Variants in CSDE1 observed in about 807,000 individuals in gnomAD.
CSDE1 encodes cold shock domain containing E1.
CSDE1 carries 17 observed loss-of-function variants against 89.3 expected under a neutral mutation model. That is an observed-to-expected ratio of 0.19 (90% CI 0.13 to 0.29). The LOEUF (loss-of-function observed/expected upper bound fraction) is 0.29, where lower values mean the gene tolerates loss of function less well. Ranked by LOEUF, CSDE1 falls within the 10% of genes least tolerant of loss-of-function variation. CSDE1 has a pLI of 1.00. For synonymous variants in CSDE1, 322 were observed against 332.8 expected, an observed-to-expected ratio of 0.97 and a Z score of 0.35; for missense variants, 672 against 984.2, an observed-to-expected ratio of 0.68 and a Z score of 4.24.
At chr1:114,741,577 T>G in intron 2 of CSDE1, 5 of 1,550,748 alleles carry the variant, frequency 3.2e-6, no homozygotes, top group Non-Finnish European at 4.4e-6. Flanking sequence ...CCAGATGAGG[T>G]AGAAGATGAA....
chr1:114,718,198 T>A lies in CSDE1; in HGVS notation c.2368A>T (p.Lys790Ter). ...DNSMGFGAER[K>*]IRQAGVID Reference sequence around the variant, plus strand: ...TCAATGACACCAGCTTGACGGATCTTTCTTTCTGCACCAAACCCCTGTGGG... The same window carrying A: ...TCAATGACACCAGCTTGACGGATCTATCTTTCTGCACCAAACCCCTGTGGG... The change falls in exon 20 of 20, where the codon AAG (lysine) becomes TAG (stop). Residue 790 changes from lysine (K) to a stop codon, truncating the protein, a stop_gained. Coordinates refer to ENST00000358528, the MANE Select transcript of CSDE1 (RefSeq NM_001007553.3). LOFTEE classifies it high-confidence loss of function. The A allele has an allele frequency of 1.2e-6, 2 of 1,614,194 alleles. No homozygotes were observed. Among genetic ancestry groups the A allele is most frequent in the Non-Finnish European group, 1.7e-6 (2 of 1,180,028 alleles).
chr1:114,744,267 C>T (rs1312011704), intron 2 of CSDE1, among the ~76,000 whole-genome samples: 3 of 151,968 alleles, frequency 2.0e-5, no homozygotes, highest in Non-Finnish European at 4.4e-5. Flanking sequence ...TCAAATGAAC[C>T]GAGTTTAATG....
intron 18 of CSDE1, 173 bp from the exon 19 acceptor site, chr1:114,718,918 T>C (rs1190555621): frequency 1.0e-5 from 7 of 668,488 alleles, no homozygotes; most frequent in Admixed American, 3.1e-5. Flanking sequence ...TTATGTATTA[T>C]TATCCCCAAC....
At chr1:114,745,192 T>C (rs2101071613) in intron 2 of CSDE1, among the ~76,000 whole-genome samples, 1 of 152,332 alleles carries the variant, frequency 6.6e-6, no homozygotes, top group Non-Finnish European at 1.5e-5. Context: ...TGTATCAAAA[T>C]GTGGAGATAT....
intron 5 of CSDE1, 110 bp downstream of exon 5, chr1:114,737,361 A>T: frequency 1.1e-6 from 1 of 927,218 alleles, no homozygotes; most frequent in Non-Finnish European, 1.6e-6. Context: ...AACCAAATTT[A>T]AAACTGATTT....
intron 7 of CSDE1, 115 bp from the exon 8 acceptor site, chr1:114,734,232 G>A (rs1476674931): frequency 1.6e-6 from 2 of 1,283,326 alleles, no homozygotes; most frequent in Non-Finnish European, 2.1e-6. Context: ...ATATAATTTG[G>A]TACAACCTAA....
intron 2 of CSDE1, 61 bp from the exon 3 acceptor site, chr1:114,739,951 T>G: frequency 7.3e-7 from 1 of 1,377,282 alleles, no homozygotes; most frequent in Non-Finnish European, 1.0e-6. Flanking sequence ...GCATATTAAG[T>G]CTGGTTAATA....
intron 12 of CSDE1, 58 bp from the exon 13 acceptor site, chr1:114,727,148 AAAC>A (rs1208626916): frequency 1.7e-6 from 2 of 1,185,078 alleles, no homozygotes; most frequent in Non-Finnish European, 2.5e-6. Flanking sequence ...AAACCAATAA[AAAC>A]AACTATAGTT....
chr1:114,753,681 G>A (rs988949654), intron 1 of CSDE1, among the ~76,000 whole-genome samples: 9 of 152,152 alleles, frequency 5.9e-5, no homozygotes, highest in African/African-American at 2.2e-4. Flanking sequence ...ACTGTGGCAG[G>A]CCAAGGTGGG....
chr1:114,736,185 T>A lies in CSDE1; in HGVS notation c.500+573A>T, dbSNP rs142670653. ...AATATGACTTGACTCCTCCACCCCA[T>A]CCTCTTAGTCTATCCATATCAGGCG... On this transcript the variant is annotated intron_variant, in intron 6 of 19. Transcript: ENST00000358528. Among the ~76,000 whole-genome samples the A allele has an allele frequency of 5.2e-3, 788 of 152,150 alleles. 10 individuals are homozygous for A. Among genetic ancestry groups the A allele is most frequent in the African/African-American group, 0.018 (732 of 41,498 alleles).
intron 3 of CSDE1, among the ~76,000 whole-genome samples, chr1:114,738,802 C>T (rs1482252790): frequency 6.7e-6 from 1 of 149,816 alleles, no homozygotes; most frequent in Non-Finnish European, 1.5e-5. Flanking sequence ...TACTTAGTAG[C>T]TGGGACTACA....
At chr1:114,733,653 A>G (rs1660233226) in intron 9 of CSDE1, 79 bp downstream of exon 9, 2 of 1,311,728 alleles carry the variant, frequency 1.5e-6, no homozygotes, top group Admixed American at 2.2e-5. Flanking sequence ...ACTGAATAAG[A>G]TAAAATCTCA....
intron 2 of CSDE1, among the ~76,000 whole-genome samples, chr1:114,744,128 A>T (rs1349681907): frequency 6.6e-6 from 1 of 152,250 alleles, no homozygotes; most frequent in East Asian, 1.9e-4. Context: ...GTTTATAAAA[A>T]ATTAAAGATG....
At chr1:114,738,220 TG>T (rs1411018932) in intron 3 of CSDE1, 148 bp from the exon 4 acceptor site, 7 of 636,340 alleles carry the variant, frequency 1.1e-5, no homozygotes, top group African/African-American at 1.1e-4. Context: ...TAACATCACC[TG>T]GGAGCTTAAA....
In CSDE1 at chr1:114,734,807, C is replaced by T. The variant is rs561815973; in HGVS notation, c.501-284G>A. Among the ~76,000 whole-genome samples, 199 of 152,184 alleles carry T rather than the reference C, an allele frequency of 1.3e-3. 4 individuals carry two copies. The highest frequency in any genetic ancestry group is 3.5e-4 in the Non-Finnish European group (24 of 68,004). On this transcript the variant is annotated intron_variant, in intron 6 of 19. Coordinates refer to ENST00000358528, the MANE Select transcript of CSDE1 (RefSeq NM_001007553.3). ...TTTTTTACAAACTTACACATGGGTGCGTGATGTTCTACTCTGTTTTTCTAT... is the reference window on the plus strand; with the variant it reads ...TTTTTTACAAACTTACACATGGGTGTGTGATGTTCTACTCTGTTTTTCTAT...
chr1:114,732,574 G>A, intron 10 of CSDE1, 30 bp downstream of exon 10: 1 of 1,595,732 alleles, frequency 6.3e-7, no homozygotes, highest in Non-Finnish European at 8.6e-7. Flanking sequence ...TCGCATATTA[G>A]ATACATATCC....
chr1:114,734,599 T>C lies in CSDE1; in HGVS notation c.501-76A>G, dbSNP rs930041926. On this transcript the variant is annotated intron_variant, in intron 6 of 19. Transcript: ENST00000358528. ...GTATTGGCCTGCTTAGATATGAGTC[T>C]AAAGAAACTAGTTTCCTGGGGCTTT... 1.8e-5 allele frequency: 20 copies of C among 1,098,798 alleles called. No individual in the cohort carries two copies. In the South Asian group the frequency reaches 2.4e-4, roughly 13 times the overall value. 68.1% of individuals were successfully genotyped at this position (1,098,798 alleles called of 1,614,324 possible).
In CSDE1 at chr1:114,720,574, G is replaced by A. The variant is rs750525261; in HGVS notation, c.2017C>T (p.Leu673=). Reference sequence around the variant, plus strand: ...ACACATTCCACTGTGGCCCTGCGCAGGGGTGTGATGTTGTAAGCCATAGTT... The same window carrying A: ...ACACATTCCACTGTGGCCCTGCGCAAGGGTGTGATGTTGTAAGCCATAGTT... The part of the protein sequence containing the change: ...AQTMAYNITP[L]RRATVECVKD... Residue 673 remains leucine, a synonymous_variant, in exon 17 of 20, where the codon CTG becomes TTG. Transcript: ENST00000358528. 1 of 1,614,114 alleles carries A rather than the reference G, an allele frequency of 6.2e-7. No homozygotes were observed. Among genetic ancestry groups the A allele is most frequent in the Non-Finnish European group, 8.5e-7 (1 of 1,179,994 alleles).
chr1:114,718,590 C>T lies in CSDE1; in HGVS notation c.2349+23G>A. The T allele has an allele frequency of 2.5e-6, 4 of 1,609,804 alleles. 1 individual carries two copies. In the South Asian group the frequency reaches 4.4e-5, roughly 18 times the overall value. On this transcript the variant is annotated intron_variant, in intron 19 of 19. Coordinates refer to ENST00000358528, the MANE Select transcript of CSDE1 (RefSeq NM_001007553.3). ...ATGTTGGTCTATCAGTTGGCCTCCC[C>T]CAAGCCTTGTATGCCCTCATACCAT...
Sources: gnomAD v4.1 joint callset for allele counts (sites outside exome capture counted in the v4.1 genomes callset) on GRCh38, gnomAD v4.1.1 for gene constraint, MANE v1.5 for transcripts, NCBI Gene and HGNC (gene_info 2026-07-23, HGNC 2026-07-21) for gene names.